The following NOL4 variants were observed in gnomAD, a reference collection of about 807,000 sequenced individuals.
NOL4 encodes the protein cancer/testis antigen 125.
NOL4 carries 17 observed loss-of-function variants against 75.9 expected under a neutral mutation model. The ratio of observed to expected loss-of-function variants is 0.22; its 90% CI spans 0.15 to 0.34. The LOEUF (loss-of-function observed/expected upper bound fraction) is 0.34. Among genes scored for constraint, NOL4 ranks in the 10% least tolerant of loss-of-function variants. NOL4 has a pLI of 1.00. For synonymous variants in NOL4, 292 were observed against 289.9 expected (o/e 1.01, Z -0.07); for missense variants, 614 against 793.5 (o/e 0.77, Z 2.72).
intron 1 of NOL4, among the ~76,000 whole-genome samples, chr18:34,194,875 T>C (rs2035210648): frequency 6.6e-6 from 1 of 151,714 alleles, no homozygotes; most frequent in Non-Finnish European, 1.5e-5. Flanking sequence ...AAATACAAAA[T>C]TAGCCGGGCG....
chr18:33,959,736 T>G (rs1447331536), intron 6 of NOL4, among the ~76,000 whole-genome samples: 6 of 152,090 alleles, frequency 3.9e-5, no homozygotes, highest in African/African-American at 1.4e-4. Flanking sequence ...AGTCAATTGG[T>G]TCCCTTAAGC....
intron 9 of NOL4, among the ~76,000 whole-genome samples, chr18:33,920,708 TA>T (rs1285594747): frequency 6.6e-6 from 1 of 152,194 alleles, no homozygotes; most frequent in East Asian, 1.9e-4. Flanking sequence ...GAAGAATGTG[TA>T]AAGAATACTC....
chr18:34,222,468 A>C (rs2037387514), intron 1 of NOL4: 1 of 1,088,308 alleles, frequency 9.2e-7, no homozygotes, highest in Non-Finnish European at 1.1e-6. Flanking sequence ...TCTAACGATA[A>C]AACCTGACAG....
At chr18:34,220,365 T>G (rs905020706) in intron 1 of NOL4, among the ~76,000 whole-genome samples, 1 of 152,208 alleles carries the variant, frequency 6.6e-6, no homozygotes, top group Non-Finnish European at 1.5e-5. Context: ...AAAGCATCTC[T>G]TACTGACAGC....
chr18:34,123,918 T>C (rs1250099807), intron 2 of NOL4, among the ~76,000 whole-genome samples: 1 of 151,940 alleles, frequency 6.6e-6, no homozygotes, highest in African/African-American at 2.4e-5. Flanking sequence ...TAAAATACAA[T>C]TCTAGATCAC....
At chr18:34,090,664 G>A (rs867707377) in intron 5 of NOL4, among the ~76,000 whole-genome samples, 1 of 152,024 alleles carries the variant, frequency 6.6e-6, no homozygotes, top group Non-Finnish European at 1.5e-5. Flanking sequence ...AAAAAAAAAG[G>A]GGGGGAGGCA....
At chr18:34,062,878 A>C (rs1403485535) in intron 5 of NOL4, among the ~76,000 whole-genome samples, 3 of 152,252 alleles carry the variant, frequency 2.0e-5, no homozygotes, top group African/African-American at 7.2e-5. Flanking sequence ...TGAAAATCCC[A>C]AACCAAAAAC....
At chr18:34,185,490 AT>A (rs1050278406) in intron 1 of NOL4, among the ~76,000 whole-genome samples, 14 of 151,292 alleles carry the variant, frequency 9.3e-5, no homozygotes, top group East Asian at 1.9e-4. Context: ...AAAGAGGCTT[AT>A]TTTTTTTTCA....
intron 1 of NOL4, among the ~76,000 whole-genome samples, chr18:34,214,835 G>T (rs1050995285): frequency 5.9e-5 from 9 of 152,124 alleles, no homozygotes; most frequent in African/African-American, 2.2e-4. Flanking sequence ...GCCTTTAAAA[G>T]GAGGAAAATC....
intron 4 of NOL4, among the ~76,000 whole-genome samples, chr18:34,102,849 T>C (rs2079105205): frequency 6.6e-6 from 1 of 152,060 alleles, no homozygotes; most frequent in South Asian, 2.1e-4. Context: ...ATTTTCTTAA[T>C]TGTCATTGAT....
chr18:34,066,732 C>A (rs1383028452), intron 5 of NOL4, among the ~76,000 whole-genome samples: 1 of 149,764 alleles, frequency 6.7e-6, no homozygotes, highest in East Asian at 1.9e-4. Context: ...ATGTTCCTTT[C>A]CTAAGATAAC....
At chr18:34,118,399 T>C (rs957686949) in intron 2 of NOL4, among the ~76,000 whole-genome samples, 4 of 152,154 alleles carry the variant, frequency 2.6e-5, no homozygotes, top group African/African-American at 9.6e-5. Context: ...CTCTGCAATA[T>C]ATGTAACTAA....
At chr18:34,219,538 G>T (rs989395294) in intron 1 of NOL4, among the ~76,000 whole-genome samples, 2 of 152,160 alleles carry the variant, frequency 1.3e-5, no homozygotes, top group Non-Finnish European at 2.9e-5. Context: ...AGGATCAAAA[G>T]CTTCTAAAAA....
intron 5 of NOL4, among the ~76,000 whole-genome samples, chr18:34,086,372 C>T (rs2078242891): frequency 6.6e-6 from 1 of 152,038 alleles, no homozygotes; most frequent in African/African-American, 2.4e-5. Context: ...AACAAACTTG[C>T]ACAAGAAAGA....
chr18:34,143,633 G>A (rs1031497585), intron 1 of NOL4, among the ~76,000 whole-genome samples: 2 of 151,978 alleles, frequency 1.3e-5, no homozygotes, highest in South Asian at 2.1e-4. Flanking sequence ...TTGGGAGGCC[G>A]AGGCGGGTGG....
At chr18:34,175,852 A>T (rs2146296816) in intron 1 of NOL4, among the ~76,000 whole-genome samples, 1 of 152,284 alleles carries the variant, frequency 6.6e-6, no homozygotes, top group East Asian at 1.9e-4. Context: ...CAGCAACAGC[A>T]AATCTTGGGG....
intron 2 of NOL4, among the ~76,000 whole-genome samples, chr18:34,115,862 T>C (rs2079831740): frequency 6.6e-6 from 1 of 152,232 alleles, no homozygotes; most frequent in East Asian, 1.9e-4. Context: ...CCCCAGACAA[T>C]GAGGCCATTT....
At chr18:34,198,750 G>T in intron 1 of NOL4, among the ~76,000 whole-genome samples, 1 of 151,740 alleles carries the variant, frequency 6.6e-6, no homozygotes, top group East Asian at 1.9e-4. Context: ...AACCAAACAA[G>T]AATTGAATGA....
At chr18:33,912,955 T>C (rs1367614526) in intron 9 of NOL4, among the ~76,000 whole-genome samples, 2 of 152,098 alleles carry the variant, frequency 1.3e-5, no homozygotes, top group African/African-American at 4.8e-5. Flanking sequence ...AACTACAGTG[T>C]CTTGATCAGT....
Sources: allele counts gnomAD v4.1 joint callset (sites outside exome capture counted in the v4.1 genomes callset), GRCh38; gene constraint gnomAD v4.1.1; transcripts MANE v1.5; gene names NCBI Gene and HGNC (gene_info 2026-07-23, HGNC 2026-07-21).